The following CEP164 variants were observed in gnomAD, a reference collection of about 807,000 sequenced individuals.
CEP164 encodes the protein centrosomal protein 164.
Under a neutral mutation model 182.7 loss-of-function variants are expected in CEP164, and 162 were observed. The observed-to-expected ratio is 0.89, with a 90% CI of 0.78 to 1.01. The LOEUF (loss-of-function observed/expected upper bound fraction) is 1.01, where lower values mean the gene tolerates loss of function less well. Among genes scored for constraint, CEP164 ranks in the 50% least tolerant of loss-of-function variants. The pLI is 0.00. For synonymous variants in CEP164, 661 were observed against 690.0 expected, an observed-to-expected ratio of 0.96 and a Z score of 0.66; for missense variants, 1,735 against 1,790.4, an observed-to-expected ratio of 0.97 and a Z score of 0.56.
At position 117,381,944 on chromosome 11, in the gene CEP164, T is replaced by A; in HGVS notation, c.1577+76T>A. ...TGTGTGTAGTGGGTATGTGTGCTAG[T>A]GCTGAGAGAGATGGGGGTGGGGTTG... On this transcript the variant is annotated intron_variant, in intron 13 of 32. Coordinates refer to ENST00000278935, the MANE Select transcript of CEP164 (RefSeq NM_014956.5). 3 of 998,602 alleles carry A rather than the reference T, an allele frequency of 3.0e-6. No individual in the cohort carries two copies. In the East Asian group the frequency reaches 1.8e-4, roughly 59 times the overall value. 61.9% of individuals were successfully genotyped at this position (998,602 alleles called of 1,614,324 possible).
chr11:117,355,707 A>G (rs2040222459), intron 5 of CEP164: 1 of 1,187,650 alleles, frequency 8.4e-7, no homozygotes, highest in African/African-American at 1.6e-5. Context: ...AGGAGGAGAG[A>G]ACCTCCTGGA....
intron 11 of CEP164, among the ~76,000 whole-genome samples, chr11:117,377,865 T>A (rs1432333894): frequency 6.6e-6 from 1 of 151,970 alleles, no homozygotes; most frequent in Non-Finnish European, 1.5e-5. Context: ...TCTTTTCTTT[T>A]CTTTCTTTTT....
At chr11:117,334,073 G>A (rs1193355914) in intron 1 of CEP164, among the ~76,000 whole-genome samples, 1 of 152,058 alleles carries the variant, frequency 6.6e-6, no homozygotes, top group Non-Finnish European at 1.5e-5. Flanking sequence ...CACTTCCCTC[G>A]GTTCTAATTA....
chr11:117,412,309 G>A lies in CEP164; in HGVS notation c.*141G>A, dbSNP rs2047444275. 1.5e-6 allele frequency: 1 copy of A among 657,930 alleles called. No homozygotes were observed. The highest frequency in any genetic ancestry group is 2.6e-6 in the Non-Finnish European group (1 of 388,222). 40.8% of individuals were successfully genotyped at this position (657,930 alleles called of 1,614,324 possible). A position where few individuals can be genotyped will look rare whatever the true frequency, so the allele number is the denominator to read the frequency against. On this transcript the variant is annotated 3_prime_UTR_variant, in exon 33 of 33. Transcript: ENST00000278935. ...AGGAGCCACCAGGGACCAGGGGGTT[G>A]AGTGGAACAGTAAAGCCACACATTC... is the stretch of plus-strand genomic sequence containing the variant.
intron 27 of CEP164, among the ~76,000 whole-genome samples, chr11:117,402,197 AACTT>A (rs1224078001): frequency 2.0e-5 from 3 of 150,898 alleles, no homozygotes; most frequent in South Asian, 2.1e-4. Context: ...GGTTTCAAAG[AACTT>A]ACTTGTTTCT....
chr11:117,354,818 A>G, intron 5 of CEP164: 1 of 301,582 alleles, frequency 3.3e-6, no homozygotes, highest in Non-Finnish European at 5.4e-6. Flanking sequence ...TTTAAGTTTT[A>G]GGGTTTAAAT....
In CEP164 at chr11:117,411,739, T is replaced by A. The variant is rs1055098728; in HGVS notation, c.4164-56T>A. The A allele has an allele frequency of 5.6e-6, 9 of 1,607,518 alleles. No individual in the cohort carries two copies. The African/African-American group carries it at 1.2e-4, about 21-fold the overall frequency. ...CAGATGTGATGGCCTCTGTGCATCC[T>A]CTGTCACTTCCGCGCCTCCTCTCTC... On this transcript the variant is annotated intron_variant, in intron 31 of 32. Coordinates refer to ENST00000278935, the MANE Select transcript of CEP164 (RefSeq NM_014956.5). This position sits in a 1 kb window ranked among gnomAD's most constrained non-coding sequence, Gnocchi z 4.4.
At chr11:117,403,714 G>T (rs1278477208) in intron 27 of CEP164, among the ~76,000 whole-genome samples, 1 of 152,090 alleles carries the variant, frequency 6.6e-6, no homozygotes, top group Non-Finnish European at 1.5e-5. Context: ...CTGCTAGGTT[G>T]GGGAAGTTCT....
intron 28 of CEP164, 71 bp from the exon 29 acceptor site, chr11:117,408,819 C>G (rs2046996234): frequency 6.3e-7 from 1 of 1,596,648 alleles, no homozygotes; most frequent in East Asian, 2.2e-5. Flanking sequence ...CAGCCACTTC[C>G]TAGGAAGGAA....
intron 28 of CEP164, among the ~76,000 whole-genome samples, chr11:117,408,314 G>C (rs2046945099): frequency 6.6e-6 from 1 of 152,174 alleles, no homozygotes; most frequent in East Asian, 1.9e-4. Flanking sequence ...ACCCTGCCCT[G>C]GTCCCTAAGG....
chr11:117,343,930 A>G (rs1003885578), intron 3 of CEP164, among the ~76,000 whole-genome samples: 7 of 151,434 alleles, frequency 4.6e-5, no homozygotes, highest in Admixed American at 2.6e-4. Flanking sequence ...CACCTGGCCT[A>G]TTTTTTGCTT....
In CEP164 at chr11:117,393,165, GCA is replaced by G. The variant is rs748540460; in HGVS notation, c.2616+48_2616+49del. 22 of 1,597,988 alleles carry G rather than the reference GCA, an allele frequency of 1.4e-5. No homozygotes were observed. In the African/African-American group the frequency reaches 1.7e-4, roughly 13 times the overall value. On this transcript the variant is annotated intron_variant, in intron 20 of 32. Transcript: ENST00000278935. ...ATCCCCTGCGCGCATGCACACACAT[GCA>G]CACACACATGCACGCACATGCACAC... is the stretch of plus-strand genomic sequence containing the variant.
In CEP164 at chr11:117,393,006, C is replaced by T; in HGVS notation, c.2496C>T (p.Leu832=). 1 of 1,613,184 alleles carries T rather than the reference C, an allele frequency of 6.2e-7. No individual in the cohort carries two copies. Among genetic ancestry groups the T allele is most frequent in the Non-Finnish European group, 8.5e-7 (1 of 1,179,756 alleles). Residue 832 remains leucine, a splice_region_variant and synonymous_variant, in exon 20 of 33, where the codon CTC becomes CTT. Transcript: ENST00000278935. ...CATCCCTGCCATCTCCCCTGCAGCT[C>T]AGCAGTCTCCTGCGAGAGAAGCGCC... is the stretch of plus-strand genomic sequence containing the variant. ...SYHVAGYEHE[L]SSLLREKRQE...
rs2044530773 is a variant in CEP164 at position 117,390,673 on chromosome 11, T to TTAGG, written c.1935-103_1935-100dup. The TTAGG allele has an allele frequency of 4.9e-6, 7 of 1,422,086 alleles. No homozygotes were observed. The East Asian group carries it at 1.4e-4, about 28-fold the overall frequency. The allele number at this position is 1,422,086 out of a possible 1,614,324, so 88.1% of individuals were successfully genotyped here. ...AAAAAAAAAAGATTTAGGAAGTTTC[T>TTAGG]TAGGCAGGCAACAGGGCTATTGGAG... On this transcript the variant is annotated intron_variant, in intron 15 of 32. Transcript: ENST00000278935.
chr11:117,373,736 G>T lies in CEP164; in HGVS notation c.1153-15G>T, dbSNP rs372749388. The T allele has an allele frequency of 2.4e-5, 38 of 1,611,826 alleles. No homozygotes were observed. Among genetic ancestry groups the T allele is most frequent in the Middle Eastern group, 1.6e-4 (1 of 6,070 alleles). On this transcript the variant is annotated splice_polypyrimidine_tract_variant and intron_variant, in intron 9 of 32. Coordinates refer to ENST00000278935, the MANE Select transcript of CEP164 (RefSeq NM_014956.5). ...CTCTGCTCTGAGGGATTTCTCTGTG[G>T]GTCTGTCTCTCCAGGAACTGGAAAT...
intron 4 of CEP164, among the ~76,000 whole-genome samples, chr11:117,350,229 G>T (rs1476054702): frequency 2.0e-5 from 3 of 151,690 alleles, no homozygotes; most frequent in African/African-American, 7.3e-5. Flanking sequence ...TTGAAACAGG[G>T]TCTTGCCCTG....
chr11:117,387,528 A>T, intron 15 of CEP164, 116 bp downstream of exon 15: 1 of 971,868 alleles, frequency 1.0e-6, no homozygotes, highest in Non-Finnish European at 1.5e-6. Context: ...AAGACCAACT[A>T]AAGTTGGGAA....
chr11:117,408,359 A>G (rs2046952324), intron 28 of CEP164, among the ~76,000 whole-genome samples: 1 of 152,200 alleles, frequency 6.6e-6, no homozygotes, highest in Non-Finnish European at 1.5e-5. Context: ...ATGGACACAC[A>G]TGATAGATTT....
chr11:117,395,324 C>A, intron 23 of CEP164, 133 bp downstream of exon 23: 2 of 1,182,654 alleles, frequency 1.7e-6, no homozygotes, highest in Non-Finnish European at 2.4e-6. Flanking sequence ...CAGTATTCCA[C>A]AAATAGTGCC....
Sources: gnomAD v4.1 joint callset for allele counts (sites outside exome capture counted in the v4.1 genomes callset) on GRCh38, gnomAD v4.1.1 for gene constraint, Gnocchi (gnomAD v3.1) non-coding constraint, MANE v1.5 for transcripts, NCBI Gene and HGNC (gene_info 2026-07-23, HGNC 2026-07-21) for gene names.